KLHL25: variants seen among roughly 807,000 people sequenced by gnomAD.
KLHL25 encodes kelch-like protein 25.
Under a neutral mutation model 30.0 loss-of-function variants are expected in KLHL25, and 41 were observed. The observed-to-expected ratio is 1.37, with a 90% confidence interval of 1.07 to 1.78. The LOEUF (loss-of-function observed/expected upper bound fraction) is 1.78. KLHL25 is among the 40% of genes most tolerant of loss of function. KLHL25 has a pLI of 0.00. For synonymous variants in KLHL25, 399 were observed against 355.3 expected, an observed-to-expected ratio of 1.12 and a Z score of -1.38; for missense variants, 971 against 824.5, an observed-to-expected ratio of 1.18 and a Z score of -2.18.
At position 85,789,786 on chromosome 15, in the gene KLHL25, C is replaced by T. The variant is rs2151813887; in HGVS notation, c.-11+4980G>A. Among the ~76,000 whole-genome samples, 1 of 152,280 alleles carries T rather than the reference C, an allele frequency of 6.6e-6. No individual in the cohort carries two copies. Among genetic ancestry groups the T allele is most frequent in the African/African-American group, 2.4e-5 (1 of 41,558 alleles). On this transcript the variant is annotated intron_variant, in intron 1 of 2. Coordinates refer to ENST00000337975, the MANE Select transcript of KLHL25 (RefSeq NM_022480.4). This position sits in a 1 kb window ranked among gnomAD's most constrained non-coding sequence, Gnocchi z 4.1. ...ACCTTCCCTTGAGCCCACGCCTGCTCCCCTAAGCCCAGCCTGGTGCTCCCC... is the reference window on the plus strand; with the variant it reads ...ACCTTCCCTTGAGCCCACGCCTGCTTCCCTAAGCCCAGCCTGGTGCTCCCC...
intron 1 of KLHL25, among the ~76,000 whole-genome samples, chr15:85,790,315 C>T (rs945474423): frequency 3.7e-4 from 57 of 152,056 alleles, no homozygotes; most frequent in African/African-American, 1.3e-3. Context: ...CTCAAACTCC[C>T]GACCTCAGGT....
Position 85,776,722 on chromosome 15 carries a change from G to A in KLHL25, c.-10-6902C>T, listed in dbSNP as rs1050517259. Among the ~76,000 whole-genome samples the A allele has an allele frequency of 2.6e-5, 4 of 152,040 alleles. No individual in the cohort carries two copies. In the South Asian group the frequency reaches 8.3e-4, roughly 32 times the overall value. On this transcript the variant is annotated intron_variant, in intron 1 of 2. Transcript: ENST00000337975. ...GGGCGGATCATGAGGTCAGGAGATC[G>A]AGACCATCCTGGCTAACACAGTGAA...
At chr15:85,788,237 C>T (rs988995145) in intron 1 of KLHL25, among the ~76,000 whole-genome samples, 6 of 152,170 alleles carry the variant, frequency 3.9e-5, no homozygotes, top group Non-Finnish European at 8.8e-5. Context: ...CACGCAGGCC[C>T]AGCCTTTGCA....
At chr15:85,777,182 A>G (rs2089715187) in intron 1 of KLHL25, among the ~76,000 whole-genome samples, 1 of 152,246 alleles carries the variant, frequency 6.6e-6, no homozygotes, top group Non-Finnish European at 1.5e-5. Flanking sequence ...GCTTCAGACA[A>G]TGCTTGGTAA....
In KLHL25 at chr15:85,769,573, G is replaced by C. The variant is rs199550414; in HGVS notation, c.238C>G (p.Arg80Gly). 3.7e-6 allele frequency: 6 copies of C among 1,613,700 alleles called. No individual in the cohort carries two copies. The highest frequency in any genetic ancestry group is 3.3e-4 in the Middle Eastern group (2 of 6,062). Reference protein sequence around the residue: ...YFEAMFSHGLRESRDDTVNFQ... With the variant: ...YFEAMFSHGLGESRDDTVNFQ... ...TTGACAGTGTCATCCCGGCTCTCCC[G>C]AAGGCCATGGCTGAACATGGCCTCA... The change falls in exon 2 of 3, where the codon CGG (arginine) becomes GGG (glycine). Residue 80 changes from arginine to glycine, a missense_variant. Physicochemically the swap from Arg to Gly is moderately radical, Grantham distance 125. Transcript: ENST00000337975.
At chr15:85,764,638 G>T (rs1340737363) in intron 2 of KLHL25, among the ~76,000 whole-genome samples, 5 of 152,184 alleles carry the variant, frequency 3.3e-5, no homozygotes, top group Non-Finnish European at 5.9e-5. Flanking sequence ...TGGGCACAGG[G>T]CAAGTGCCTG....
intron 1 of KLHL25, among the ~76,000 whole-genome samples, chr15:85,793,005 T>C (rs2089827641): frequency 6.6e-6 from 1 of 152,130 alleles, no homozygotes; most frequent in Admixed American, 6.5e-5. Flanking sequence ...AATGAATCAA[T>C]CAATCAATCA....
At chr15:85,774,445 GA>G (rs1359923924) in intron 1 of KLHL25, among the ~76,000 whole-genome samples, 1 of 152,136 alleles carries the variant, frequency 6.6e-6, no homozygotes, top group Non-Finnish European at 1.5e-5. Context: ...CACATCTTTG[GA>G]AAGTTAAATG....
rs1204323551 is a variant in KLHL25, at chr15:85,769,449, A to G, written c.362T>C (p.Leu121Pro). 1 of 1,614,058 alleles carries G rather than the reference A, an allele frequency of 6.2e-7. No homozygotes were observed. The highest frequency in any genetic ancestry group is 8.5e-7 in the Non-Finnish European group (1 of 1,180,008). ...AINEENAESL[L>P]EAGDMLQFHD... The stretch of plus-strand genomic sequence containing the variant: ...GAACTGCAGCATGTCGCCTGCCTCC[A>G]GCAGTGACTCAGCGTTCTCCTCGTT... The change falls in exon 2 of 3, where the codon CTG (leucine) becomes CCG (proline). Residue 121 changes from leucine to proline, a missense_variant. Physicochemically the swap from Leu to Pro is moderately conservative, Grantham distance 98. Coordinates refer to ENST00000337975, the MANE Select transcript of KLHL25 (RefSeq NM_022480.4).
chr15:85,782,767 T>G (rs2089752438), intron 1 of KLHL25, among the ~76,000 whole-genome samples: 1 of 152,202 alleles, frequency 6.6e-6, no homozygotes, highest in South Asian at 2.1e-4. Context: ...TCTCCTAGAA[T>G]GAACGTTCTT....
At chr15:85,784,732 T>C (rs2089768910) in intron 1 of KLHL25, among the ~76,000 whole-genome samples, 1 of 152,110 alleles carries the variant, frequency 6.6e-6, no homozygotes, top group Non-Finnish European at 1.5e-5. Context: ...AACTCGATTC[T>C]GCCAAAAACC....
intron 1 of KLHL25, among the ~76,000 whole-genome samples, chr15:85,776,650 G>A (rs958544182): frequency 9.9e-5 from 15 of 152,150 alleles, no homozygotes; most frequent in African/African-American, 3.4e-4. Context: ...CTGAGGCCGG[G>A]CACGGTGGCT....
intron 1 of KLHL25, among the ~76,000 whole-genome samples, chr15:85,772,240 G>T (rs943731899): frequency 1.3e-5 from 2 of 152,212 alleles, no homozygotes; most frequent in Admixed American, 6.5e-5. Flanking sequence ...CGAGCCCTGG[G>T]ACTCCTAAGC....
Position 85,776,721 on chromosome 15 carries a change from C to A in KLHL25, c.-10-6901G>T, listed in dbSNP as rs574250418. Among the ~76,000 whole-genome samples the A allele has an allele frequency of 2.0e-5, 3 of 151,912 alleles. No homozygotes were observed. The South Asian group carries it at 6.2e-4, about 32-fold the overall frequency. On this transcript the variant is annotated intron_variant, in intron 1 of 2. Transcript: ENST00000337975. ...TGGGCGGATCATGAGGTCAGGAGATCGAGACCATCCTGGCTAACACAGTGA... is the reference window on the plus strand; with the variant it reads ...TGGGCGGATCATGAGGTCAGGAGATAGAGACCATCCTGGCTAACACAGTGA...
chr15:85,787,975 T>C (rs567021219), intron 1 of KLHL25, among the ~76,000 whole-genome samples: 47 of 147,898 alleles, frequency 3.2e-4, no homozygotes, highest in African/African-American at 1.1e-3. Context: ...GGCAGGAGAA[T>C]TGCTTGAACC....
intron 1 of KLHL25, among the ~76,000 whole-genome samples, chr15:85,771,441 G>A (rs1409656588): frequency 2.0e-5 from 3 of 152,224 alleles, no homozygotes; most frequent in South Asian, 2.1e-4. Context: ...GGTAGGAAAC[G>A]ATTTCATGCT....
intron 2 of KLHL25, among the ~76,000 whole-genome samples, chr15:85,767,213 T>C (rs2089631070): frequency 6.6e-6 from 1 of 152,064 alleles, no homozygotes; most frequent in Admixed American, 6.6e-5. Context: ...ATGGTCTCGA[T>C]CTCCTGACCT....
At chr15:85,767,634 C>T (rs577465594) in intron 2 of KLHL25, among the ~76,000 whole-genome samples, 82 of 152,282 alleles carry the variant, frequency 5.4e-4, no homozygotes, top group Non-Finnish European at 1.0e-3. Flanking sequence ...TTTGGGAGGC[C>T]CCCTTTGTTG....
At chr15:85,794,239 G>A (rs868185190) in intron 1 of KLHL25, among the ~76,000 whole-genome samples, 26 of 152,316 alleles carry the variant, frequency 1.7e-4, no homozygotes, top group Admixed American at 1.3e-4. Flanking sequence ...AGGGACCCTG[G>A]CAGGCGGAAC....
Sources: allele counts gnomAD v4.1 joint callset (sites outside exome capture counted in the v4.1 genomes callset), GRCh38; gene constraint gnomAD v4.1.1; non-coding constraint Gnocchi (gnomAD v3.1); transcripts MANE v1.5; gene names NCBI Gene and HGNC (gene_info 2026-07-23, HGNC 2026-07-21).